The following ABCC5 variants were observed in gnomAD, a reference collection of about 807,000 sequenced individuals.
The protein encoded by ABCC5 is ATP binding cassette subfamily C member 5.
A neutral mutation model predicts 160.9 loss-of-function variants in ABCC5; 61 were observed. The observed-to-expected ratio is 0.38, with a 90% confidence interval of 0.31 to 0.47. ABCC5 has a LOEUF of 0.47. Ranked by LOEUF, ABCC5 falls within the 20% of genes least tolerant of loss-of-function variation. The pLI is 0.99. For missense variants in ABCC5, 1,308 were observed against 1,813.3 expected, an observed-to-expected ratio of 0.72 and a Z score of 5.06; for synonymous variants, 666 against 700.6, an observed-to-expected ratio of 0.95 and a Z score of 0.78.
intron 17 of ABCC5, among the ~76,000 whole-genome samples, chr3:183,958,241 T>C (rs946435006): frequency 6.6e-6 from 1 of 152,238 alleles, no homozygotes; most frequent in Non-Finnish European, 1.5e-5. Flanking sequence ...CATGTGTATA[T>C]TGCATGACGC....
In ABCC5 at chr3:183,984,490, C is replaced by T. The variant is rs1279647104; in HGVS notation, c.592-1483G>A. 4 of 1,069,908 alleles carry T rather than the reference C, an allele frequency of 3.7e-6. No individual in the cohort carries two copies. In the African/African-American group the frequency reaches 6.7e-5, roughly 18 times the overall value. The allele number at this position is 1,069,908 out of a possible 1,614,324, so 66.3% of individuals were successfully genotyped here. ...GAGGTAGCTACGCTGAATTCCAAAA[C>T]CCAGACTCTCTCTGGGTTAATTTCT... On this transcript the variant is annotated intron_variant, in intron 5 of 29. Transcript: ENST00000334444.
intron 2 of ABCC5, among the ~76,000 whole-genome samples, chr3:184,006,845 GTA>G: frequency 6.6e-6 from 1 of 152,116 alleles, no homozygotes; most frequent in South Asian, 2.1e-4. Flanking sequence ...GAAATACTAA[GTA>G]AGAGCCCTGG....
rs1249920637 is a variant in ABCC5 at position 183,946,209 on chromosome 3, C to CT, written c.3415-271_3415-270insA. 5.9e-5 allele frequency among the ~76,000 whole-genome samples: 9 copies of CT among 152,328 alleles called. No individual in the cohort carries two copies. The East Asian group carries it at 1.5e-3, about 26-fold the overall frequency. On this transcript the variant is annotated intron_variant, in intron 23 of 29. Transcript: ENST00000334444. ...ATTCATCTTTACATTTCCAATAACA[C>CT]ATATCTGCAACTGATTCACTTCTGG...
chr3:183,937,087 G>T (rs1713800720), intron 26 of ABCC5, among the ~76,000 whole-genome samples: 1 of 152,030 alleles, frequency 6.6e-6, no homozygotes, highest in Admixed American at 6.6e-5. Context: ...ATTGGAACTG[G>T]AACTTTTGGC....
intron 20 of ABCC5, among the ~76,000 whole-genome samples, chr3:183,950,992 C>T (rs1169468757): frequency 1.3e-5 from 2 of 152,202 alleles, no homozygotes; most frequent in Admixed American, 6.5e-5. Context: ...GCCTGACAGG[C>T]CTGCTGCGGG....
At position 184,017,800 on chromosome 3, in the gene ABCC5, G is replaced by A. The variant is rs968603917; in HGVS notation, c.-56+30C>T. 7 of 152,432 alleles carry A rather than the reference G, an allele frequency of 4.6e-5. No individual in the cohort carries two copies. Among genetic ancestry groups the A allele is most frequent in the African/African-American group, 1.7e-4 (7 of 41,458 alleles). 9.4% of individuals were successfully genotyped at this position (152,432 alleles called of 1,614,324 possible). A position where few individuals can be genotyped will look rare whatever the true frequency, so the allele number is the denominator to read the frequency against. ...GATCCCCGTGACAACCGAGCTGGAG[G>A]GCAGGGGTGCGGCAGCAGCCATCAC... On this transcript the variant is annotated intron_variant, in intron 1 of 29. Transcript: ENST00000334444. This position sits in a 1 kb window ranked among gnomAD's most constrained non-coding sequence, Gnocchi z 4.5.
intron 23 of ABCC5, among the ~76,000 whole-genome samples, chr3:183,946,517 T>C (rs1714865186): frequency 6.6e-6 from 1 of 152,196 alleles, no homozygotes; most frequent in South Asian, 2.1e-4. Context: ...TGACTATTTA[T>C]TTTTATCTTT....
rs557748958 is a variant in ABCC5 at position 183,947,372 on chromosome 3, C to A, written c.3366G>T (p.Gly1122=). Residue 1122 remains glycine (G), a synonymous_variant, in exon 23 of 30, where the codon GGG becomes GGT. Transcript: ENST00000334444. ...GACCCGCATAGGCTGGGGGAATCTG[C>A]CCGTGCATAAGAACGATCATCAGCC... ...TTGLMIVLMH[G]QIPPAYAGLA... The A allele has an allele frequency of 6.2e-7, 1 of 1,613,548 alleles. No individual in the cohort carries two copies. Among genetic ancestry groups the A allele is most frequent in the African/African-American group, 1.3e-5 (1 of 74,980 alleles).
intron 2 of ABCC5, among the ~76,000 whole-genome samples, chr3:183,999,482 A>G (rs983722580): frequency 1.3e-5 from 2 of 152,182 alleles, no homozygotes; most frequent in Non-Finnish European, 2.9e-5. Context: ...TGTTGGGACA[A>G]ATAAATACCA....
intron 2 of ABCC5, among the ~76,000 whole-genome samples, chr3:183,992,323 C>G (rs539441725): frequency 5.3e-5 from 8 of 152,262 alleles, no homozygotes; most frequent in African/African-American, 1.9e-4. Context: ...CTGCAGTGAA[C>G]TTTGATCTCA....
chr3:183,977,568 C>A lies in ABCC5; in HGVS notation c.1353G>T (p.Pro451=). 1 of 1,614,040 alleles carries A rather than the reference C, an allele frequency of 6.2e-7. No individual in the cohort carries two copies. The highest frequency in any genetic ancestry group is 8.5e-7 in the Non-Finnish European group (1 of 1,179,950). ...NSMTFALKVT[P]FSVKSLSEAS... The stretch of plus-strand genomic sequence containing the variant: ...CTTCTGAGAGGGACTTTACTGAAAA[C>A]GGTGTTACTTTCAAAGCAAAAGTCA... The change falls in exon 10 of 30, where the codon CCG becomes CCT. Residue 451 remains proline, a synonymous_variant. Transcript: ENST00000334444.
At chr3:183,927,502 A>T in intron 27 of ABCC5, 59 bp from the exon 28 acceptor site, 1 of 1,550,234 alleles carries the variant, frequency 6.5e-7, no homozygotes, top group Non-Finnish European at 8.7e-7. Context: ...TTTCCTGAAA[A>T]TCCAAGGACA....
rs1230274278 is a variant in ABCC5, at chr3:183,921,574, A to G, written c.4213-173T>C. 1.3e-5 allele frequency among the ~76,000 whole-genome samples: 2 copies of G among 152,068 alleles called. No homozygotes were observed. Among genetic ancestry groups the G allele is most frequent in the Non-Finnish European group, 2.9e-5 (2 of 68,012 alleles). ...TTTTATTTTCAACTATCCAGGGAGT[A>G]AGGGAAAGGACAGAGAAAATGACTT... On this transcript the variant is annotated intron_variant, in intron 29 of 29. Coordinates refer to ENST00000334444, the MANE Select transcript of ABCC5 (RefSeq NM_005688.4). This position sits in a 1 kb window ranked among gnomAD's most constrained non-coding sequence, Gnocchi z 4.1.
At chr3:184,009,233 A>C (rs1464581419) in intron 2 of ABCC5, among the ~76,000 whole-genome samples, 2 of 152,200 alleles carry the variant, frequency 1.3e-5, no homozygotes, top group Non-Finnish European at 2.9e-5. Flanking sequence ...TGCTTTCCAC[A>C]TAAGAGCCAT....
chr3:183,987,737 T>C lies in ABCC5; in HGVS notation c.591+33A>G. 1.2e-6 allele frequency: 2 copies of C among 1,614,026 alleles called. No individual in the cohort carries two copies. The highest frequency in any genetic ancestry group is 1.1e-5 in the South Asian group (1 of 91,052). The stretch of plus-strand genomic sequence containing the variant: ...TTAGAGCTGGCCGTGGCCGGGCCCC[T>C]GGAGACTGTCGGAAAGGATGGTTAG... On this transcript the variant is annotated intron_variant, in intron 5 of 29. Transcript: ENST00000334444. The surrounding 1 kb of genome is among the most constrained non-coding windows in gnomAD (Gnocchi z 4.2).
intron 2 of ABCC5, among the ~76,000 whole-genome samples, chr3:184,002,519 G>C (rs893765238): frequency 2.6e-5 from 4 of 152,178 alleles, no homozygotes; most frequent in Admixed American, 2.6e-4. Context: ...TGAAAAACAG[G>C]TAACATTCGA....
At chr3:183,977,419 G>A in intron 10 of ABCC5, 98 bp downstream of exon 10, 1 of 800,018 alleles carries the variant, frequency 1.2e-6, no homozygotes, top group Non-Finnish European at 2.0e-6. Flanking sequence ...CCAAGCTTAA[G>A]CCCAGTGAGG....
chr3:184,007,204 T>C (rs1721293255), intron 2 of ABCC5, among the ~76,000 whole-genome samples: 1 of 151,536 alleles, frequency 6.6e-6, no homozygotes, highest in Admixed American at 6.6e-5. Context: ...GTATTTTTAG[T>C]AGAGGCAGGG....
At chr3:183,954,424 C>T (rs773689260) in intron 17 of ABCC5, among the ~76,000 whole-genome samples, 13 of 152,170 alleles carry the variant, frequency 8.5e-5, no homozygotes, top group South Asian at 2.1e-4. Context: ...GCTGGGATTA[C>T]AGGCATGAGC....
Sources: allele counts gnomAD v4.1 joint callset (sites outside exome capture counted in the v4.1 genomes callset), GRCh38; gene constraint gnomAD v4.1.1; non-coding constraint Gnocchi (gnomAD v3.1); transcripts MANE v1.5; gene names NCBI Gene and HGNC (gene_info 2026-07-23, HGNC 2026-07-21).